POLR2B: variants seen among roughly 807,000 people sequenced by gnomAD.
POLR2B encodes the protein DNA-directed RNA polymerase II subunit RPB2.
POLR2B carries 57 observed loss-of-function variants against 144.6 expected under a neutral mutation model. The observed-to-expected ratio is 0.39, with a 90% CI of 0.32 to 0.49. POLR2B has a LOEUF of 0.49. POLR2B is among the 20% of genes least tolerant of loss of function. The probability of loss-of-function intolerance (pLI) is 0.83; values close to 1 mark genes in which losing one functional copy is unlikely to be tolerated. For missense variants in POLR2B, 595 were observed against 1,467.4 expected, an observed-to-expected ratio of 0.41 and a Z score of 9.71; for synonymous variants, 442 against 469.8, an observed-to-expected ratio of 0.94 and a Z score of 0.77.
chr4:57,016,900 C>CTA lies in POLR2B; in HGVS notation c.1956-130_1956-129dup, dbSNP rs895033977. Reference sequence around the variant, plus strand: ...TTGGTCAGTTATATATAATATTAAACTATATATATATATAAATATATATGT... The same window carrying CTA: ...TTGGTCAGTTATATATAATATTAAACTATATATATATATATAAATATATATGT... On this transcript the variant is annotated intron_variant, in intron 14 of 24. Coordinates refer to ENST00000314595, the MANE Select transcript of POLR2B (RefSeq NM_000938.3). The CTA allele has an allele frequency of 2.1e-3, 494 of 236,408 alleles. 1 individual carries two copies. The highest frequency in any genetic ancestry group is 6.9e-3 in the South Asian group (39 of 5,640). The allele number at this position is 236,408 out of a possible 1,614,324, so 14.6% of individuals were successfully genotyped here. A position where few individuals can be genotyped will look rare whatever the true frequency, so the allele number is the denominator to read the frequency against.
intron 13 of POLR2B, among the ~76,000 whole-genome samples, chr4:57,013,379 CT>C (rs1723258121): frequency 7.0e-6 from 1 of 143,124 alleles, no homozygotes; most frequent in Non-Finnish European, 1.6e-5. Context: ...AAAAATGTCT[CT>C]CTCTGTCTCT....
rs186283239 is a variant in POLR2B at position 57,012,898 on chromosome 4, T to C, written c.1800+1798T>C. On this transcript the variant is annotated intron_variant, in intron 13 of 24. Transcript: ENST00000314595. Reference sequence around the variant, plus strand: ...CTCTCTTGCTCAGGCTGGAGTGCAGTGGCATGATCTCGGCTCACTGCAACG... The same window carrying C: ...CTCTCTTGCTCAGGCTGGAGTGCAGCGGCATGATCTCGGCTCACTGCAACG... Among the ~76,000 whole-genome samples, 166 of 152,272 alleles carry C rather than the reference T, an allele frequency of 1.1e-3. 1 individual carries two copies. The highest frequency in any genetic ancestry group is 1.9e-3 in the Non-Finnish European group (128 of 68,026).
intron 13 of POLR2B, among the ~76,000 whole-genome samples, chr4:57,013,265 C>G (rs1723253868): frequency 6.6e-6 from 1 of 151,872 alleles, no homozygotes; most frequent in Admixed American, 6.6e-5. Flanking sequence ...GTGTGAGCCA[C>G]TGAGCCCAGC....
chr4:56,993,134 T>C (rs1359122818), intron 3 of POLR2B, among the ~76,000 whole-genome samples: 1 of 151,622 alleles, frequency 6.6e-6, no homozygotes, highest in African/African-American at 2.4e-5. Context: ...TGAAGCCCCA[T>C]CTCTACCAAA....
chr4:56,990,280 C>G (rs1169049094), intron 2 of POLR2B, among the ~76,000 whole-genome samples: 1 of 151,970 alleles, frequency 6.6e-6, no homozygotes, highest in Admixed American at 6.6e-5. Flanking sequence ...GGCTGGAGTG[C>G]AATGATGCAA....
At chr4:57,001,473 C>T (rs1722853453) in intron 7 of POLR2B, among the ~76,000 whole-genome samples, 1 of 152,214 alleles carries the variant, frequency 6.6e-6, no homozygotes, top group Non-Finnish European at 1.5e-5. Context: ...CTCGGCCTTT[C>T]TTTGTCTTTC....
In POLR2B at chr4:57,030,371, A is replaced by G; in HGVS notation, c.3407A>G (p.Glu1136Gly). The G allele has an allele frequency of 1.2e-6, 2 of 1,612,640 alleles. No homozygotes were observed. The highest frequency in any genetic ancestry group is 1.7e-6 in the Non-Finnish European group (2 of 1,179,054). ...AIANTRTHTY[E>G]CRGCRNKTQI... ...GCCAACACCAGGACCCATACATATG[A>G]ATGCAGGGGCTGCCGCAATAAAACC... The change falls in exon 24 of 25, where the codon GAA (glutamate) becomes GGA (glycine). Residue 1136 changes from glutamate to glycine, a missense_variant. Transcript: ENST00000314595.
Position 57,017,106 on chromosome 4 carries a change from G to A in POLR2B, c.2019G>A (p.Val673=), listed in dbSNP as rs1306154817. ...TTGATACCCTGGAAGAAGAAACAGT[G>A]ATGCTTGCAATGACTCCAGATGATT... is the stretch of plus-strand genomic sequence containing the variant. The part of the protein sequence containing the change: ...EYIDTLEEET[V]MLAMTPDDLQ... The change falls in exon 15 of 25, where the codon GTG becomes GTA. Residue 673 remains valine, a synonymous_variant. Coordinates refer to ENST00000314595, the MANE Select transcript of POLR2B (RefSeq NM_000938.3). This position sits in a 1 kb window ranked among gnomAD's most constrained non-coding sequence, Gnocchi z 4.8. 2 of 1,612,982 alleles carry A rather than the reference G, an allele frequency of 1.2e-6. No homozygotes were observed. The highest frequency in any genetic ancestry group is 1.3e-5 in the African/African-American group (1 of 74,988).
rs1723522417 is a variant in POLR2B at position 57,020,954 on chromosome 4, T to C, written c.2379T>C (p.Ser793=). ...ACACTGGATATAATCAGGAAGACTC[T>C]GTTATCATGAATCGTTCAGCTGTAG... ...ASYTGYNQED[S]VIMNRSAVDR... is the part of the protein sequence containing the mutation. The change falls in exon 17 of 25, where the codon TCT becomes TCC. Residue 793 remains serine (S), a synonymous_variant. Coordinates refer to ENST00000314595, the MANE Select transcript of POLR2B (RefSeq NM_000938.3). 6.2e-7 allele frequency: 1 copy of C among 1,608,128 alleles called. No homozygotes were observed. Among genetic ancestry groups the C allele is most frequent in the Non-Finnish European group, 8.5e-7 (1 of 1,174,460 alleles).
chr4:56,990,171 A>G (rs1722468967), intron 2 of POLR2B, among the ~76,000 whole-genome samples: 2 of 152,064 alleles, frequency 1.3e-5, no homozygotes, highest in South Asian at 4.1e-4. Context: ...CTCTCCTGAC[A>G]TATTTGTCAA....
intron 10 of POLR2B, 52 bp from the exon 11 acceptor site, chr4:57,010,309 A>T: frequency 6.5e-7 from 1 of 1,542,086 alleles, no homozygotes; most frequent in Non-Finnish European, 8.9e-7. Flanking sequence ...TCAGTGTAAT[A>T]GTATGAATCA....
In POLR2B at chr4:57,005,457, A is replaced by G. The variant is rs1164878620; in HGVS notation, c.1097+15A>G. The stretch of plus-strand genomic sequence containing the variant: ...TATTTCTTGGGGTATGTTAAGTTTC[A>G]TTGTTTTAAGTTCTTTATCAAGATA... On this transcript the variant is annotated intron_variant, in intron 8 of 24. Coordinates refer to ENST00000314595, the MANE Select transcript of POLR2B (RefSeq NM_000938.3). 1.9e-6 allele frequency: 3 copies of G among 1,545,162 alleles called. No homozygotes were observed. The highest frequency in any genetic ancestry group is 2.1e-5 in the Admixed American group (1 of 47,738).
chr4:57,017,013 A>T lies in POLR2B; in HGVS notation c.1956-30A>T. On this transcript the variant is annotated intron_variant, in intron 14 of 24. Transcript: ENST00000314595. The surrounding 1 kb of genome is among the most constrained non-coding windows in gnomAD (Gnocchi z 4.8). ...GAATAGTTAGTTAAAATACTTGAGG[A>T]AGTAGAAAATTGAGTGAATTCTTTT... 1 of 1,418,414 alleles carries T rather than the reference A, an allele frequency of 7.1e-7. No individual in the cohort carries two copies. The highest frequency in any genetic ancestry group is 9.7e-7 in the Non-Finnish European group (1 of 1,036,050). The allele number at this position is 1,418,414 out of a possible 1,614,324, so 87.9% of individuals were successfully genotyped here.
rs760819294 is a variant in POLR2B, at chr4:57,030,311, T to C, written c.3347T>C (p.Val1116Ala). Residue 1116 changes from valine to alanine, a missense_variant, in exon 24 of 25, where the codon GTT becomes GCT. By Grantham distance (64) the Val-to-Ala change is moderately conservative. Transcript: ENST00000314595. The stretch of plus-strand genomic sequence containing the variant: ...TTTGAGGCATCAGATCCATATCAGG[T>C]TCATGTTTGCAATCTTTGTGGAATA... ...RLFEASDPYQVHVCNLCGIMA... is the reference protein window; with the variant it reads ...RLFEASDPYQAHVCNLCGIMA... The C allele has an allele frequency of 6.2e-7, 1 of 1,614,076 alleles. No individual in the cohort carries two copies. The highest frequency in any genetic ancestry group is 1.7e-5 in the Admixed American group (1 of 60,026).
At chr4:57,015,710 C>A in intron 14 of POLR2B, 54 bp downstream of exon 14, 1 of 771,408 alleles carries the variant, frequency 1.3e-6, no homozygotes, top group Non-Finnish European at 1.9e-6. Context: ...ATAGAATTTA[C>A]ATACTGTAAA....
chr4:56,997,846 A>T (rs1429787502), intron 6 of POLR2B, among the ~76,000 whole-genome samples: 1 of 152,192 alleles, frequency 6.6e-6, no homozygotes. Context: ...CTGACTCAAT[A>T]GTGAGAATGG....
Position 56,990,908 on chromosome 4 carries a change from T to C in POLR2B, c.243+10T>C, listed in dbSNP as rs748870528. ...AGAAGTTGAAGAACCGGTAAGATAG[T>C]TCTAATAGTTACACAGGTACAAGAA... On this transcript the variant is annotated intron_variant, in intron 3 of 24. Coordinates refer to ENST00000314595, the MANE Select transcript of POLR2B (RefSeq NM_000938.3). 10 of 1,605,468 alleles carry C rather than the reference T, an allele frequency of 6.2e-6. No homozygotes were observed. The highest frequency in any genetic ancestry group is 1.1e-5 in the South Asian group (1 of 89,372).
At chr4:57,004,298 C>A (rs562580293) in intron 7 of POLR2B, among the ~76,000 whole-genome samples, 7 of 151,700 alleles carry the variant, frequency 4.6e-5, no homozygotes, top group Non-Finnish European at 1.0e-4. Context: ...ATCTGCCCGC[C>A]TTGGCCTCCC....
Position 56,986,435 on chromosome 4 carries a change from G to T in POLR2B, c.92+9G>T. The T allele has an allele frequency of 6.3e-7, 1 of 1,587,996 alleles. No homozygotes were observed. Among genetic ancestry groups the T allele is most frequent in the Non-Finnish European group, 8.6e-7 (1 of 1,156,878 alleles). On this transcript the variant is annotated intron_variant, in intron 2 of 24. Transcript: ENST00000314595. ...TGCTGGATTGTAATCAGGTAACTTTGGACCAAACTGAATTAGCCTGAAAAG... is the reference window on the plus strand; with the variant it reads ...TGCTGGATTGTAATCAGGTAACTTTTGACCAAACTGAATTAGCCTGAAAAG...
Sources: allele counts gnomAD v4.1 joint callset (sites outside exome capture counted in the v4.1 genomes callset), GRCh38; gene constraint gnomAD v4.1.1; non-coding constraint Gnocchi (gnomAD v3.1); transcripts MANE v1.5; gene names NCBI Gene and HGNC (gene_info 2026-07-23, HGNC 2026-07-21).